The following CBL variants were observed in gnomAD, a reference collection of about 807,000 sequenced individuals.
CBL encodes Cbl proto-oncogene.
In CBL, 45 loss-of-function variants were observed where a neutral mutation model predicts 96.9. The observed-to-expected ratio is 0.46, with a 90% CI of 0.37 to 0.60. The LOEUF (loss-of-function observed/expected upper bound fraction) is 0.60, where lower values mean the gene tolerates loss of function less well. CBL is among the 20% of genes least tolerant of loss of function. The probability of loss-of-function intolerance (pLI) is 0.00; values close to 1 mark genes in which losing one functional copy is unlikely to be tolerated. For missense variants in CBL, 1,024 were observed against 1,143.5 expected (o/e 0.90, Z 1.51); for synonymous variants, 420 against 426.8 (o/e 0.98, Z 0.20).
At chr11:119,266,032 A>AAAAAAAAAAAAAAG (rs1213584463) in intron 2 of CBL, among the ~76,000 whole-genome samples, 1 of 148,862 alleles carries the variant, frequency 6.7e-6, no homozygotes, top group Non-Finnish European at 1.5e-5. Context: ...AAAAAAAAAA[A>AAAAAAAAAAAAAAG]AAAGAAAGAA....
chr11:119,239,012 C>T (rs1949566023), intron 2 of CBL, among the ~76,000 whole-genome samples: 1 of 152,116 alleles, frequency 6.6e-6, no homozygotes, highest in South Asian at 2.1e-4. Context: ...TGTTGTTGCC[C>T]AGGCTGGAGT....
chr11:119,210,249 G>C (rs1417557213), intron 1 of CBL, among the ~76,000 whole-genome samples: 1 of 151,944 alleles, frequency 6.6e-6, no homozygotes, highest in African/African-American at 2.4e-5. Flanking sequence ...TTAGCCAGGC[G>C]TGGTGGTGCC....
chr11:119,261,140 C>T (rs917489380), intron 2 of CBL, among the ~76,000 whole-genome samples: 1 of 151,936 alleles, frequency 6.6e-6, no homozygotes, highest in Non-Finnish European at 1.5e-5. Flanking sequence ...TCTCGAACTC[C>T]TGACCTCAGG....
At chr11:119,262,741 C>T (rs754843765) in intron 2 of CBL, among the ~76,000 whole-genome samples, 4 of 152,044 alleles carry the variant, frequency 2.6e-5, no homozygotes, top group Non-Finnish European at 5.9e-5. Flanking sequence ...TGAAGCAGAA[C>T]GTGATGGAAC....
intron 2 of CBL, among the ~76,000 whole-genome samples, chr11:119,248,210 G>A (rs1404801358): frequency 6.6e-6 from 1 of 152,182 alleles, no homozygotes; most frequent in Non-Finnish European, 1.5e-5. Context: ...TTGTATTTCT[G>A]ATTTCAAAGC....
chr11:119,256,146 CGTCTATATGTT>C (rs1161158683), intron 2 of CBL, among the ~76,000 whole-genome samples: 8 of 150,946 alleles, frequency 5.3e-5, no homozygotes, highest in Non-Finnish European at 7.4e-5. Context: ...GTTGCAGTAA[CGTCTATATGTT>C]AAGCCTCCAT....
chr11:119,246,882 G>A (rs914592475), intron 2 of CBL, among the ~76,000 whole-genome samples: 3 of 152,140 alleles, frequency 2.0e-5, no homozygotes, highest in African/African-American at 7.2e-5. Context: ...ACACACATTG[G>A]TCACTTGGAA....
At position 119,237,156 on chromosome 11, in the gene CBL, A is replaced by G. The variant is rs1380507904; in HGVS notation, c.443+4461A>G. On this transcript the variant is annotated intron_variant, in intron 2 of 15. Coordinates refer to ENST00000264033, the MANE Select transcript of CBL (RefSeq NM_005188.4). ...AGAAAACATAATATACACAGGGTTC[A>G]GTACTATCTGTGGTTTCAGGCATCT... is the stretch of plus-strand genomic sequence containing the variant. Among the ~76,000 whole-genome samples, 4 of 152,368 alleles carry G rather than the reference A, an allele frequency of 2.6e-5. No individual in the cohort carries two copies. The East Asian group carries it at 7.7e-4, about 29-fold the overall frequency.
At chr11:119,244,581 ATT>A (rs532837579) in intron 2 of CBL, among the ~76,000 whole-genome samples, 18 of 104,332 alleles carry the variant, frequency 1.7e-4, no homozygotes, top group Admixed American at 2.7e-4. Flanking sequence ...TGCCCGGCTA[ATT>A]TTTTTTTTTT....
chr11:119,240,924 T>C (rs1358159231), intron 2 of CBL, among the ~76,000 whole-genome samples: 1 of 151,844 alleles, frequency 6.6e-6, no homozygotes, highest in Non-Finnish European at 1.5e-5. Context: ...AATACAAAAA[T>C]TAGCCAGGTG....
At position 119,225,053 on chromosome 11, in the gene CBL, T is replaced by G. The variant is rs536701045; in HGVS notation, c.196-7395T>G. ...GTTTTATCCTAAACTCTTTGGGGTG[T>G]GTGTGTGTGTGTGTGTGTGTGCGCG... On this transcript the variant is annotated intron_variant, in intron 1 of 15. Transcript: ENST00000264033. Among the ~76,000 whole-genome samples, 58 of 150,604 alleles carry G rather than the reference T, an allele frequency of 3.9e-4. 1 individual carries two copies. The highest frequency in any genetic ancestry group is 1.3e-3 in the Admixed American group (20 of 15,078).
At chr11:119,292,087 A>T (rs1787408360) in intron 12 of CBL, among the ~76,000 whole-genome samples, 1 of 152,166 alleles carries the variant, frequency 6.6e-6, no homozygotes, top group Admixed American at 6.5e-5. Flanking sequence ...TGCTAATGTC[A>T]AATGATCCAC....
chr11:119,232,377 TCTTAAA>T, intron 1 of CBL, 65 bp from the exon 2 acceptor site: 2 of 1,551,442 alleles, frequency 1.3e-6, no homozygotes, highest in South Asian at 1.1e-5. Flanking sequence ...TTCATAACTT[TCTTAAA>T]CTTAAAAAAG....
At chr11:119,273,781 T>G in intron 3 of CBL, 87 bp from the exon 4 acceptor site, 2 of 1,124,814 alleles carry the variant, frequency 1.8e-6, no homozygotes, top group Admixed American at 3.7e-5. Flanking sequence ...GAGCTTAATG[T>G]GGCTCTCCTT....
At chr11:119,254,375 T>C (rs1949695058) in intron 2 of CBL, among the ~76,000 whole-genome samples, 1 of 152,194 alleles carries the variant, frequency 6.6e-6, no homozygotes, top group South Asian at 2.1e-4. Flanking sequence ...TATTGCTGCC[T>C]GATTTAGTTG....
chr11:119,273,874 A>G lies in CBL; in HGVS notation c.597A>G (p.Ile199Met). The stretch of plus-strand genomic sequence containing the variant: ...CTCTCCACCCCCTCCCCAGGACAAT[A>G]GTCCCTTGGAAGAGCTTTCGACAGG... ...FWRKAFGEKT[I>M]VPWKSFRQAL... The change falls in exon 4 of 16, where the codon ATA becomes ATG. Residue 199 changes from isoleucine (I) to methionine (M), a missense_variant. Ile to Met is a conservative substitution (Grantham distance 10). Around this residue, in one of 4 missense-constraint regions of CBL, gnomAD observed 192 missense variants for 321.8 expected, o/e 0.60. Transcript: ENST00000264033. The G allele has an allele frequency of 2.5e-6, 4 of 1,613,840 alleles. No homozygotes were observed. Among genetic ancestry groups the G allele is most frequent in the Non-Finnish European group, 3.4e-6 (4 of 1,179,732 alleles).
At chr11:119,223,184 C>CTTTTT (rs1167302746) in intron 1 of CBL, among the ~76,000 whole-genome samples, 1 of 67,196 alleles carries the variant, frequency 1.5e-5, no homozygotes, top group African/African-American at 7.6e-5. Flanking sequence ...CACACCCTTC[C>CTTTTT]TTTTTTTTTT....
chr11:119,211,316 G>C (rs1453366992), intron 1 of CBL, among the ~76,000 whole-genome samples: 2 of 151,880 alleles, frequency 1.3e-5, no homozygotes, highest in African/African-American at 4.8e-5. Context: ...AGGTTGCAGT[G>C]AGCTGAGACT....
intron 2 of CBL, among the ~76,000 whole-genome samples, chr11:119,242,537 CAA>C (rs71048052): frequency 3.9e-5 from 3 of 76,368 alleles, no homozygotes; most frequent in Admixed American, 1.7e-4. Context: ...GACTCCATCT[CAA>C]AAAAAAAAAA....
Sources: gnomAD v4.1 joint callset for allele counts (sites outside exome capture counted in the v4.1 genomes callset) on GRCh38, gnomAD v4.1.1 for gene constraint, gnomAD v4.1.1 regional missense constraint, MANE v1.5 for transcripts, NCBI Gene and HGNC (gene_info 2026-07-23, HGNC 2026-07-21) for gene names.